Variants in SAMD4A observed in about 807,000 individuals in gnomAD.
The protein encoded by SAMD4A is protein Smaug homolog 1.
SAMD4A carries 33 observed loss-of-function variants against 81.3 expected under a neutral mutation model. That is an observed-to-expected ratio of 0.41 (90% CI 0.31 to 0.54). The LOEUF (loss-of-function observed/expected upper bound fraction) is 0.54, where lower values mean the gene tolerates loss of function less well. Among genes scored for constraint, SAMD4A ranks in the 20% least tolerant of loss-of-function variants. SAMD4A has a pLI of 0.37. For missense variants in SAMD4A, 854 were observed against 951.1 expected (o/e 0.90, Z 1.34); for synonymous variants, 389 against 382.1 (o/e 1.02, Z -0.21).
chr14:54,784,568 C>T lies in SAMD4A; in HGVS notation c.2076C>T (p.Ile692=), dbSNP rs1158569468. The change falls in exon 12 of 13, where the codon ATC becomes ATT. Residue 692 remains isoleucine (I), a synonymous_variant. Transcript: ENST00000554335. The part of the protein sequence containing the change: ...EFQLPVTEPD[I]NNRLESLCLS... The stretch of plus-strand genomic sequence containing the variant: ...AGCTTCCCGTGACCGAACCTGACAT[C>T]AACAACAGGCTGGAGTCGTTGTGCC... The T allele has an allele frequency of 6.2e-7, 1 of 1,614,094 alleles. No individual in the cohort carries two copies. The highest frequency in any genetic ancestry group is 8.5e-7 in the Non-Finnish European group (1 of 1,180,040).
chr14:54,671,707 C>G (rs1423684667), intron 2 of SAMD4A, among the ~76,000 whole-genome samples: 1 of 152,196 alleles, frequency 6.6e-6, no homozygotes, highest in African/African-American at 2.4e-5. Flanking sequence ...AAGCCTGAAT[C>G]TGAACCTGTC....
At chr14:54,592,407 C>G (rs995317548) in intron 2 of SAMD4A, among the ~76,000 whole-genome samples, 2 of 152,036 alleles carry the variant, frequency 1.3e-5, no homozygotes, top group Non-Finnish European at 2.9e-5. Flanking sequence ...CCTTTCCTGT[C>G]TATCATTTTG....
At chr14:54,580,985 G>T (rs1034622907) in intron 2 of SAMD4A, among the ~76,000 whole-genome samples, 7 of 152,202 alleles carry the variant, frequency 4.6e-5, no homozygotes, top group African/African-American at 1.7e-4. Flanking sequence ...TCCTCACGCT[G>T]TTACCAAGAT....
At chr14:54,662,668 G>A (rs959151160) in intron 2 of SAMD4A, among the ~76,000 whole-genome samples, 3 of 151,790 alleles carry the variant, frequency 2.0e-5, no homozygotes, top group East Asian at 1.9e-4. Flanking sequence ...ACTTGCCTCC[G>A]CCTCCCAAAG....
At position 54,712,168 on chromosome 14, in the gene SAMD4A, T is replaced by G. The variant is rs200213211; in HGVS notation, c.715+9588T>G. Among the ~76,000 whole-genome samples, 17 of 152,208 alleles carry G rather than the reference T, an allele frequency of 1.1e-4. No individual in the cohort carries two copies. The East Asian group carries it at 3.1e-3, about 28-fold the overall frequency. On this transcript the variant is annotated intron_variant, in intron 3 of 12. Transcript: ENST00000554335. ...GGGACCCTGATTCTATCTTGCAGGCTGCAGGTCATCCCCACCCAAAGCCTT... is the reference window on the plus strand; with the variant it reads ...GGGACCCTGATTCTATCTTGCAGGCGGCAGGTCATCCCCACCCAAAGCCTT...
intron 8 of SAMD4A, among the ~76,000 whole-genome samples, chr14:54,767,799 T>C (rs2038592018): frequency 6.6e-6 from 1 of 152,208 alleles, no homozygotes; most frequent in African/African-American, 2.4e-5. Flanking sequence ...CACTCCCCTG[T>C]AGGCCAGGAA....
intron 2 of SAMD4A, among the ~76,000 whole-genome samples, chr14:54,678,688 A>G (rs988918894): frequency 6.6e-6 from 1 of 151,630 alleles, no homozygotes; most frequent in African/African-American, 2.4e-5. Flanking sequence ...AGCTGGGACT[A>G]CAGGCGCCCG....
chr14:54,634,380 A>G (rs1270215972), intron 2 of SAMD4A, among the ~76,000 whole-genome samples: 3 of 152,080 alleles, frequency 2.0e-5, no homozygotes, highest in Non-Finnish European at 4.4e-5. Flanking sequence ...TGGGTGATTG[A>G]TAAGGAAAGC....
At chr14:54,760,107 T>TG in intron 6 of SAMD4A, 54 bp from the exon 7 acceptor site, 1 of 1,561,492 alleles carries the variant, frequency 6.4e-7, no homozygotes, top group Non-Finnish European at 8.7e-7. Context: ...GGTACGGGGG[T>TG]GGATGACCCT....
At chr14:54,591,011 T>G (rs1463310171) in intron 2 of SAMD4A, among the ~76,000 whole-genome samples, 1 of 152,218 alleles carries the variant, frequency 6.6e-6, no homozygotes, top group Non-Finnish European at 1.5e-5. Flanking sequence ...AAGCAGCTTG[T>G]CACTCAAGCC....
intron 7 of SAMD4A, among the ~76,000 whole-genome samples, chr14:54,761,135 T>C (rs969192484): frequency 2.6e-5 from 4 of 152,252 alleles, no homozygotes; most frequent in Non-Finnish European, 5.9e-5. Context: ...CTTGTGCTTA[T>C]TTAGCTTTTC....
intron 2 of SAMD4A, among the ~76,000 whole-genome samples, chr14:54,667,228 C>G (rs747028456): frequency 2.0e-5 from 3 of 152,184 alleles, no homozygotes; most frequent in Non-Finnish European, 4.4e-5. Flanking sequence ...AAGTGCAAGA[C>G]AAAGTCGTTA....
chr14:54,622,180 T>C (rs1429528737), intron 2 of SAMD4A, among the ~76,000 whole-genome samples: 1 of 152,236 alleles, frequency 6.6e-6, no homozygotes, highest in Non-Finnish European at 1.5e-5. Flanking sequence ...ATTAATGTTA[T>C]ATTTTGTATA....
chr14:54,784,413 G>A (rs755744107), intron 11 of SAMD4A, 124 bp from the exon 12 acceptor site: 7 of 1,600,636 alleles, frequency 4.4e-6, no homozygotes, highest in Non-Finnish European at 4.3e-6. Context: ...CCCCTTCCAT[G>A]CCAGCGCTGA....
At chr14:54,599,696 C>T (rs962584319) in intron 2 of SAMD4A, among the ~76,000 whole-genome samples, 2 of 152,150 alleles carry the variant, frequency 1.3e-5, no homozygotes, top group African/African-American at 2.4e-5. Flanking sequence ...GTCAGAATTA[C>T]GAGACAATAG....
intron 2 of SAMD4A, among the ~76,000 whole-genome samples, chr14:54,665,667 G>T (rs1249631444): frequency 6.6e-6 from 1 of 152,188 alleles, no homozygotes; most frequent in Non-Finnish European, 1.5e-5. Flanking sequence ...AGATCTCCAG[G>T]TAGAATTGGT....
intron 2 of SAMD4A, among the ~76,000 whole-genome samples, chr14:54,595,491 G>A (rs66466453): frequency 0.14 from 20,253 of 149,564 alleles, 1,791 homozygotes; most frequent in East Asian, 0.38. Context: ...ATGATTAAAC[G>A]AACTAAAAAA....
At chr14:54,565,747 C>T (rs959258431), upstream of SAMD4A, among the ~76,000 whole-genome samples, 1 of 152,064 alleles carries the variant, frequency 6.6e-6, no homozygotes, top group African/African-American at 2.4e-5. This position sits in a 1 kb window ranked among gnomAD's most constrained non-coding sequence, Gnocchi z 5.4. Flanking sequence ...TCCCTTTCTG[C>T]CGGGGCTCCA....
chr14:54,572,762 G>T (rs990417560), intron 2 of SAMD4A, among the ~76,000 whole-genome samples: 1 of 152,180 alleles, frequency 6.6e-6, no homozygotes, highest in African/African-American at 2.4e-5. Context: ...TTGTCCGGAA[G>T]TTACTTGTTA....
Sources: gnomAD v4.1 joint callset for allele counts (sites outside exome capture counted in the v4.1 genomes callset) on GRCh38, gnomAD v4.1.1 for gene constraint, Gnocchi (gnomAD v3.1) non-coding constraint, MANE v1.5 for transcripts, NCBI Gene and HGNC (gene_info 2026-07-23, HGNC 2026-07-21) for gene names.